ARHGAP6: variants seen among roughly 807,000 people sequenced by gnomAD.
ARHGAP6 encodes the protein Rho GTPase activating protein 6.
A neutral mutation model predicts 55.7 loss-of-function variants in ARHGAP6; 16 were observed. That is an observed-to-expected ratio of 0.29 (90% CI 0.19 to 0.44). The LOEUF (loss-of-function observed/expected upper bound fraction) is 0.44, where lower values mean the gene tolerates loss of function less well. Ranked by LOEUF, ARHGAP6 falls within the 20% of genes least tolerant of loss-of-function variation. ARHGAP6 has a pLI of 1.00. For synonymous variants in ARHGAP6, 382 were observed against 360.9 expected (o/e 1.06, Z -0.66); for missense variants, 698 against 808.9 (o/e 0.86, Z 1.66).
intron 1 of ARHGAP6, among the ~76,000 whole-genome samples, chrX:11,622,542 T>C (rs1476832264): frequency 9.0e-6 from 1 of 111,208 alleles, no homozygotes; most frequent in Non-Finnish European, 1.9e-5. Flanking sequence ...AGGAGAAGGG[T>C]CTAGAACCAT....
At chrX:11,316,644 A>T (rs185746696) in intron 1 of ARHGAP6, among the ~76,000 whole-genome samples, 69 of 112,289 alleles carry the variant, frequency 6.1e-4, no homozygotes, top group African/African-American at 2.0e-3. Flanking sequence ...TGTACAATAG[A>T]TCTCTTGAAT....
chrX:11,655,688 A>G (rs1047142711), intron 1 of ARHGAP6, among the ~76,000 whole-genome samples: 2 of 112,145 alleles, frequency 1.8e-5, no homozygotes, highest in South Asian at 3.7e-4. Context: ...CACACATTAC[A>G]TTCCAAGGGT....
At position 11,142,208 on chromosome X, in the gene ARHGAP6, A is replaced by C. The variant is rs753669455; in HGVS notation, c.2257+25T>G. 1.6e-5 allele frequency: 17 copies of C among 1,083,607 alleles called. 1 individual carries two copies. The South Asian group carries it at 3.3e-4, about 21-fold the overall frequency. The allele number at this position is 1,083,607 out of a possible 1,213,427, so 89.3% of individuals were successfully genotyped here. ...GAAAATAATTTTAAAAGTAAATGCA[A>C]TAAAGTTTAAAATTAATACTTCACC... On this transcript the variant is annotated intron_variant, in intron 12 of 12. Transcript: ENST00000337414.
At chrX:11,473,052 A>G (rs2050364050) in intron 1 of ARHGAP6, among the ~76,000 whole-genome samples, 1 of 109,698 alleles carries the variant, frequency 9.1e-6, no homozygotes, top group Non-Finnish European at 1.9e-5. Context: ...CCTCCCTACC[A>G]TTTTCTCACA....
intron 1 of ARHGAP6, among the ~76,000 whole-genome samples, chrX:11,606,793 T>C (rs1050925293): frequency 1.1e-4 from 12 of 112,063 alleles, no homozygotes; most frequent in Admixed American, 2.8e-4. Flanking sequence ...ACTTTCACTT[T>C]TGAATGAAAC....
rs894775649 is a variant in ARHGAP6 at position 11,652,525 on chromosome X, T to C, written c.588+11716A>G. Among the ~76,000 whole-genome samples the C allele has an allele frequency of 2.7e-5, 3 of 112,178 alleles. No individual in the cohort carries two copies. In the Admixed American group the frequency reaches 2.8e-4, roughly 11 times the overall value. On this transcript the variant is annotated intron_variant, in intron 1 of 12. Coordinates refer to ENST00000337414, the MANE Select transcript of ARHGAP6 (RefSeq NM_013427.3). ...AATATTTTCCAGTTGTAGTTGGATA[T>C]ATTCACAATTCTCATCTGCCAGAAA... is the stretch of plus-strand genomic sequence containing the variant.
intron 5 of ARHGAP6, 24 bp downstream of exon 5, chrX:11,186,212 C>G: frequency 5.0e-6 from 6 of 1,192,540 alleles, no homozygotes; most frequent in Non-Finnish European, 6.8e-6. Flanking sequence ...GTCCTTAGTA[C>G]TTTAGACAGA....
At chrX:11,290,426 T>C (rs2047974677) in intron 1 of ARHGAP6, 1 of 379,401 alleles carries the variant, frequency 2.6e-6, no homozygotes, top group Middle Eastern at 4.3e-4. Context: ...ACGATGTGTA[T>C]CGGAATTCAT....
At chrX:11,638,365 C>T (rs768360858) in intron 1 of ARHGAP6, among the ~76,000 whole-genome samples, 47 of 111,892 alleles carry the variant, frequency 4.2e-4, no homozygotes, top group African/African-American at 1.5e-3. Flanking sequence ...AGTCAGCACA[C>T]GTTAAAACCT....
intron 1 of ARHGAP6, among the ~76,000 whole-genome samples, chrX:11,644,168 C>T (rs778213449): frequency 1.2e-3 from 132 of 111,176 alleles, no homozygotes; most frequent in Admixed American, 3.5e-3. Context: ...GGGCAGCTAG[C>T]TAAGGGGATC....
chrX:11,253,497 G>A (rs2047449690), intron 2 of ARHGAP6, among the ~76,000 whole-genome samples: 1 of 111,479 alleles, frequency 9.0e-6, no homozygotes, highest in South Asian at 3.8e-4. Context: ...TAAGTTTCAG[G>A]CACCCTGCCC....
At chrX:11,528,461 C>T (rs1206927178) in intron 1 of ARHGAP6, among the ~76,000 whole-genome samples, 1 of 109,777 alleles carries the variant, frequency 9.1e-6, no homozygotes, top group Non-Finnish European at 1.9e-5. Context: ...TAGATTCTAC[C>T]GATTCTTGCA....
intron 1 of ARHGAP6, among the ~76,000 whole-genome samples, chrX:11,566,713 T>G (rs2051445369): frequency 1.8e-5 from 2 of 111,928 alleles, no homozygotes; most frequent in Non-Finnish European, 3.8e-5. Flanking sequence ...CACACAAAAA[T>G]GTATATGAAA....
chrX:11,166,023 T>A (rs2046012163), intron 9 of ARHGAP6, among the ~76,000 whole-genome samples: 1 of 112,101 alleles, frequency 8.9e-6, no homozygotes, highest in African/African-American at 3.2e-5. Flanking sequence ...TCCAAACCAG[T>A]ACCTGAAAAG....
intron 1 of ARHGAP6, among the ~76,000 whole-genome samples, chrX:11,583,586 A>G (rs2147121294): frequency 8.9e-6 from 1 of 112,359 alleles, no homozygotes; most frequent in Non-Finnish European, 1.9e-5. Flanking sequence ...TTCATGGTTC[A>G]TTAGATATTT....
Position 11,196,724 on chromosome X carries a change from C to A in ARHGAP6, c.820+201G>T, listed in dbSNP as rs72558040. ...GGCCGAGGTCACACTCTCCTCAAAC[C>A]AGCTGAATTCATCAGTTCAGTACAG... On this transcript the variant is annotated intron_variant, in intron 3 of 12. Coordinates refer to ENST00000337414, the MANE Select transcript of ARHGAP6 (RefSeq NM_013427.3). 4.0e-3 allele frequency among the ~76,000 whole-genome samples: 450 copies of A among 111,815 alleles called. 1 individual carries two copies. Among genetic ancestry groups the A allele is most frequent in the Non-Finnish European group, 5.8e-3 (308 of 53,155 alleles).
At chrX:11,525,948 C>T (rs747240905) in intron 1 of ARHGAP6, among the ~76,000 whole-genome samples, 28 of 111,863 alleles carry the variant, frequency 2.5e-4, no homozygotes, top group Non-Finnish European at 4.7e-4. Flanking sequence ...TCTCAAGGCA[C>T]TGAGGATCAG....
intron 1 of ARHGAP6, among the ~76,000 whole-genome samples, chrX:11,466,139 GATC>G (rs1338675169): frequency 1.8e-5 from 2 of 111,647 alleles, no homozygotes; most frequent in Admixed American, 9.5e-5. Flanking sequence ...GAATGTCAAT[GATC>G]ATATTTCTCT....
chrX:11,493,426 T>C (rs771965209), intron 1 of ARHGAP6, among the ~76,000 whole-genome samples: 37 of 112,106 alleles, frequency 3.3e-4, no homozygotes, highest in Admixed American at 2.3e-3. Flanking sequence ...GCACTTTAAA[T>C]GCGTGGAGAG....
Sources: gnomAD v4.1 joint callset for allele counts (sites outside exome capture counted in the v4.1 genomes callset) on GRCh38, gnomAD v4.1.1 for gene constraint, MANE v1.5 for transcripts, NCBI Gene and HGNC (gene_info 2026-07-23, HGNC 2026-07-21) for gene names.